The following SLIT2 variants were observed in gnomAD, a reference collection of about 807,000 sequenced individuals.
SLIT2 encodes slit guidance ligand 2, also known as slit homolog 2 protein.
Under a neutral mutation model 185.7 loss-of-function variants are expected in SLIT2, and 41 were observed. That is an observed-to-expected ratio of 0.22 (90% CI 0.17 to 0.29). The LOEUF is 0.29. SLIT2 is among the 10% of genes least tolerant of loss of function. The pLI is 1.00. For missense variants in SLIT2, 1,571 were observed against 1,909.0 expected, an observed-to-expected ratio of 0.82 and a Z score of 3.30; for synonymous variants, 693 against 680.2, an observed-to-expected ratio of 1.02 and a Z score of -0.29.
intron 33 of SLIT2, among the ~76,000 whole-genome samples, chr4:20,609,556 A>G (rs945301579): frequency 6.6e-6 from 1 of 152,160 alleles, no homozygotes; most frequent in African/African-American, 2.4e-5. Context: ...CCTAATCTAC[A>G]GTTTTTTTTA....
chr4:20,541,074 A>C (rs967182844), intron 19 of SLIT2, among the ~76,000 whole-genome samples: 9 of 152,230 alleles, frequency 5.9e-5, no homozygotes, highest in African/African-American at 1.7e-4. Context: ...CTTTATATTA[A>C]ATTACTGCAT....
intron 4 of SLIT2, among the ~76,000 whole-genome samples, chr4:20,436,130 A>G (rs1729328895): frequency 6.6e-6 from 1 of 152,228 alleles, no homozygotes; most frequent in Non-Finnish European, 1.5e-5. Flanking sequence ...AAAAGTCCAG[A>G]TGTTGTAAGA....
intron 4 of SLIT2, among the ~76,000 whole-genome samples, chr4:20,398,681 C>A (rs1006404722): frequency 6.6e-6 from 1 of 151,642 alleles, no homozygotes; most frequent in Non-Finnish European, 1.5e-5. Context: ...AAATAAACAT[C>A]CCATCCATGT....
rs1352896227 is a variant in SLIT2, at chr4:20,253,497, T to C, written c.-319T>C. 1 of 366,628 alleles carries C rather than the reference T, an allele frequency of 2.7e-6. No individual in the cohort carries two copies. Among genetic ancestry groups the C allele is most frequent in the Non-Finnish European group, 5.0e-6 (1 of 201,392 alleles). The allele number at this position is 366,628 out of a possible 1,614,324, so 22.7% of individuals were successfully genotyped here. A position where few individuals can be genotyped will look rare whatever the true frequency, so the allele number is the denominator to read the frequency against. On this transcript the variant is annotated 5_prime_UTR_variant, in exon 1 of 37. Coordinates refer to ENST00000504154, the MANE Select transcript of SLIT2 (RefSeq NM_004787.4). ...AGCTCTTTTACCGCCAAGTTCATCCTTGGGAGACAGAAGACGCGTGATCTC... is the reference window on the plus strand; with the variant it reads ...AGCTCTTTTACCGCCAAGTTCATCCCTGGGAGACAGAAGACGCGTGATCTC...
At chr4:20,339,230 A>G (rs1720766459) in intron 4 of SLIT2, among the ~76,000 whole-genome samples, 1 of 152,142 alleles carries the variant, frequency 6.6e-6, no homozygotes, top group Non-Finnish European at 1.5e-5. Context: ...ACATGATAAT[A>G]TAACTGAACC....
chr4:20,288,937 G>A (rs1223672761), intron 4 of SLIT2, among the ~76,000 whole-genome samples: 2 of 152,214 alleles, frequency 1.3e-5, no homozygotes, highest in Non-Finnish European at 2.9e-5. Flanking sequence ...TGGACTTCAA[G>A]TCTCTGTTTT....
At chr4:20,377,458 G>A (rs967473746) in intron 4 of SLIT2, among the ~76,000 whole-genome samples, 1 of 152,050 alleles carries the variant, frequency 6.6e-6, no homozygotes, top group Non-Finnish European at 1.5e-5. Flanking sequence ...GTAATCATAA[G>A]CCCTACCCTC....
chr4:20,307,606 T>A (rs950500543), intron 4 of SLIT2, among the ~76,000 whole-genome samples: 2 of 152,132 alleles, frequency 1.3e-5, no homozygotes, highest in Non-Finnish European at 2.9e-5. Flanking sequence ...GTTCAATCTA[T>A]ATATGCAGTT....
intron 4 of SLIT2, among the ~76,000 whole-genome samples, chr4:20,446,232 TAAC>T (rs1711779328): frequency 6.6e-6 from 1 of 152,192 alleles, no homozygotes; most frequent in Admixed American, 6.5e-5. Flanking sequence ...TGAGAATTGT[TAAC>T]AACAGAGCTC....
intron 4 of SLIT2, among the ~76,000 whole-genome samples, chr4:20,373,625 C>T (rs1040496525): frequency 6.6e-6 from 1 of 152,078 alleles, no homozygotes; most frequent in Non-Finnish European, 1.5e-5. Context: ...CTTAGAGCTA[C>T]CCTTAGCATT....
chr4:20,337,146 C>A (rs1165771153), intron 4 of SLIT2, among the ~76,000 whole-genome samples: 2 of 152,120 alleles, frequency 1.3e-5, no homozygotes, highest in Non-Finnish European at 2.9e-5. Context: ...TGTTTTCACT[C>A]TGCTGATAAA....
intron 4 of SLIT2, among the ~76,000 whole-genome samples, chr4:20,455,376 G>T (rs1040288880): frequency 1.3e-5 from 2 of 152,098 alleles, no homozygotes; most frequent in Admixed American, 1.3e-4. Flanking sequence ...ATCCAAAGTA[G>T]TAGGCATTCT....
At chr4:20,354,154 C>A (rs1450981051) in intron 4 of SLIT2, among the ~76,000 whole-genome samples, 1 of 151,708 alleles carries the variant, frequency 6.6e-6, no homozygotes. Flanking sequence ...ATCAATTTGT[C>A]ATTTTTGTAT....
chr4:20,513,445 C>T (rs1034692955), intron 11 of SLIT2, among the ~76,000 whole-genome samples: 2 of 152,182 alleles, frequency 1.3e-5, no homozygotes, highest in African/African-American at 4.8e-5. Flanking sequence ...TTTTCCCCTC[C>T]ATAAAATATA....
intron 4 of SLIT2, among the ~76,000 whole-genome samples, chr4:20,378,678 C>T (rs930721289): frequency 2.6e-5 from 4 of 152,072 alleles, no homozygotes; most frequent in African/African-American, 4.8e-5. Flanking sequence ...TATGTGATAA[C>T]GACCACTTTG....
At chr4:20,296,610 C>T (rs1434891506) in intron 4 of SLIT2, among the ~76,000 whole-genome samples, 1 of 152,084 alleles carries the variant, frequency 6.6e-6, no homozygotes, top group Non-Finnish European at 1.5e-5. Flanking sequence ...AGGAAGTAAC[C>T]ACCTTCCAAT....
chr4:20,420,272 G>A (rs917888426), intron 4 of SLIT2, among the ~76,000 whole-genome samples: 2 of 152,034 alleles, frequency 1.3e-5, no homozygotes, highest in African/African-American at 4.8e-5. Flanking sequence ...TTTTAACTTG[G>A]TGCTTTTGGA....
intron 4 of SLIT2, among the ~76,000 whole-genome samples, chr4:20,284,866 T>A (rs1292608777): frequency 6.6e-6 from 1 of 152,256 alleles, no homozygotes; most frequent in African/African-American, 2.4e-5. Context: ...TTGAAATTGC[T>A]AATGTAGTAG....
At chr4:20,615,141 A>T in intron 34 of SLIT2, 1 of 152,318 alleles carries the variant, frequency 6.6e-6, no homozygotes, top group Non-Finnish European at 1.5e-5. Context: ...GACCATAAAT[A>T]TGTGGTCATT....
Sources: gnomAD v4.1 joint callset for allele counts (sites outside exome capture counted in the v4.1 genomes callset) on GRCh38, gnomAD v4.1.1 for gene constraint, MANE v1.5 for transcripts, NCBI Gene and HGNC (gene_info 2026-07-23, HGNC 2026-07-21) for gene names.